Variants in NCKAP1 observed in about 807,000 individuals in gnomAD.
NCKAP1 encodes nck-associated protein 1.
In NCKAP1, 21 loss-of-function variants were observed where a neutral mutation model predicts 151.2. That is an observed-to-expected ratio of 0.14 (90% confidence interval 0.10 to 0.20). The LOEUF (loss-of-function observed/expected upper bound fraction) is 0.20. NCKAP1 is among the 10% of genes least tolerant of loss of function. The probability of loss-of-function intolerance (pLI) is 1.00; values close to 1 mark genes in which losing one functional copy is unlikely to be tolerated. For missense variants in NCKAP1, 933 were observed against 1,352.1 expected (o/e 0.69, Z 4.86); for synonymous variants, 484 against 451.8 (o/e 1.07, Z -0.90).
rs558269767 is a variant in NCKAP1, at chr2:182,944,746, A to C, written c.2602-2583T>G. ...TCACCTTTAAGATAAAAAGAAAAAG[A>C]TTGAATCAAATGATACTTAGTTTAT... On this transcript the variant is annotated intron_variant, in intron 23 of 30. Transcript: ENST00000361354. Among the ~76,000 whole-genome samples, 4 of 152,332 alleles carry C rather than the reference A, an allele frequency of 2.6e-5. No homozygotes were observed. In the East Asian group the frequency reaches 5.8e-4, roughly 22 times the overall value.
At chr2:182,937,480 G>A (rs973562550) in intron 24 of NCKAP1, among the ~76,000 whole-genome samples, 1 of 152,154 alleles carries the variant, frequency 6.6e-6, no homozygotes, top group African/African-American at 2.4e-5. Context: ...GGGACAGAGA[G>A]GGAGGTAATG....
intron 2 of NCKAP1, among the ~76,000 whole-genome samples, chr2:183,020,462 C>A (rs1230965293): frequency 7.9e-6 from 1 of 127,274 alleles, no homozygotes; most frequent in African/African-American, 3.4e-5. Context: ...AGGACCGTGT[C>A]CCAAAAAAAA....
intron 24 of NCKAP1, among the ~76,000 whole-genome samples, chr2:182,940,869 T>C (rs1696981955): frequency 6.6e-6 from 1 of 152,248 alleles, no homozygotes; most frequent in African/African-American, 2.4e-5. Context: ...TCTCCCTCAT[T>C]GCTTTCCCTT....
At chr2:182,997,368 C>A (rs926547439) in intron 6 of NCKAP1, among the ~76,000 whole-genome samples, 1 of 152,128 alleles carries the variant, frequency 6.6e-6, no homozygotes, top group Admixed American at 6.5e-5. Flanking sequence ...CTATTTTTAT[C>A]ATCGTTTTAG....
Position 182,913,248 on chromosome 2 carries a change from T to C in NCKAP1, c.*12454A>G, listed in dbSNP as rs1696422454. The C allele has an allele frequency of 6.6e-6, 1 of 152,212 alleles. No individual in the cohort carries two copies. Among genetic ancestry groups the C allele is most frequent in the Non-Finnish European group, 1.5e-5 (1 of 68,038 alleles). The allele number at this position is 152,212 out of a possible 1,614,324, so 9.4% of individuals were successfully genotyped here. ...TATTTATTGATTCAACAAATATTTA[T>C]TGAGGACTGTTGTGGCTTGAATGTG... On this transcript the variant is annotated 3_prime_UTR_variant, in exon 31 of 31. Coordinates refer to ENST00000361354, the MANE Select transcript of NCKAP1 (RefSeq NM_013436.5).
chr2:183,031,665 T>TA (rs1428157200), intron 1 of NCKAP1, among the ~76,000 whole-genome samples: 2 of 152,220 alleles, frequency 1.3e-5, no homozygotes, highest in East Asian at 3.8e-4. Flanking sequence ...CCTCAGCTCT[T>TA]ACGCTTGCTA....
Position 183,001,957 on chromosome 2 carries a change from C to A in NCKAP1, c.599G>T (p.Ser200Ile), listed in dbSNP as rs377461733. 6.2e-7 allele frequency: 1 copy of A among 1,612,382 alleles called. No individual in the cohort carries two copies. The highest frequency in any genetic ancestry group is 8.5e-7 in the Non-Finnish European group (1 of 1,178,654). The change falls in exon 6 of 31, where the codon AGC (serine) becomes ATC (isoleucine). Residue 200 changes from serine (S) to isoleucine (I), a missense_variant. Ser to Ile is a moderately radical substitution (Grantham distance 142). Coordinates refer to ENST00000361354, the MANE Select transcript of NCKAP1 (RefSeq NM_013436.5). ...TGCCTAACAACTGCCTCTTACCTTG[C>A]TATGGGGTACAAATTCTTCCATCAT... ...KKMMEEFVPHSKSLSDALISL... is the reference protein window; with the variant it reads ...KKMMEEFVPHIKSLSDALISL...
intron 27 of NCKAP1, 35 bp downstream of exon 27, chr2:182,930,660 A>C: frequency 6.5e-7 from 1 of 1,538,818 alleles, no homozygotes; most frequent in Non-Finnish European, 9.0e-7. Context: ...GGTAACTTTA[A>C]CTAAGAGTAT....
At chr2:183,001,596 G>C (rs961023695) in intron 6 of NCKAP1, among the ~76,000 whole-genome samples, 4 of 152,010 alleles carry the variant, frequency 2.6e-5, no homozygotes, top group African/African-American at 9.7e-5. Flanking sequence ...CTGAGGTATC[G>C]TGAGGTTAGT....
At chr2:183,026,797 G>A (rs1253110286) in intron 1 of NCKAP1, among the ~76,000 whole-genome samples, 4 of 152,224 alleles carry the variant, frequency 2.6e-5, no homozygotes, top group African/African-American at 9.6e-5. Context: ...GAGAGATAAA[G>A]AAACCATGTA....
chr2:182,916,345 G>A lies in NCKAP1; in HGVS notation c.*9357C>T, dbSNP rs1696469037. 1 of 152,076 alleles carries A rather than the reference G, an allele frequency of 6.6e-6. No homozygotes were observed. The highest frequency in any genetic ancestry group is 2.1e-4 in the South Asian group (1 of 4,820). 9.4% of individuals were successfully genotyped at this position (152,076 alleles called of 1,614,324 possible). On this transcript the variant is annotated 3_prime_UTR_variant, in exon 31 of 31. Coordinates refer to ENST00000361354, the MANE Select transcript of NCKAP1 (RefSeq NM_013436.5). ...GCATCTGTACCAATGGAGGTCTGTA[G>A]CATCTGTCCAGCCACTGGCCTTTCC...
At chr2:182,943,245 C>T (rs1309123714) in intron 23 of NCKAP1, among the ~76,000 whole-genome samples, 3 of 152,004 alleles carry the variant, frequency 2.0e-5, no homozygotes, top group Non-Finnish European at 4.4e-5. Context: ...ATATAAAGTG[C>T]CATGGTGTTT....
chr2:183,020,464 C>CAAAAAAAAAAA (rs1179083096), intron 2 of NCKAP1, among the ~76,000 whole-genome samples: 2 of 71,556 alleles, frequency 2.8e-5, no homozygotes, highest in African/African-American at 5.2e-5. Context: ...GACCGTGTCC[C>CAAAAAAAAAAA]AAAAAAAAAA....
intron 8 of NCKAP1, 142 bp downstream of exon 8, chr2:182,994,697 T>C: frequency 1.5e-6 from 1 of 660,294 alleles, no homozygotes; most frequent in East Asian, 2.8e-5. Context: ...TCTGATAGGA[T>C]CAATATGAGG....
intron 1 of NCKAP1, among the ~76,000 whole-genome samples, chr2:183,036,668 T>TA (rs1699107843): frequency 6.6e-6 from 1 of 152,162 alleles, no homozygotes; most frequent in Non-Finnish European, 1.5e-5. Flanking sequence ...TTTAGAGTAA[T>TA]AAAGCCTTGC....
In NCKAP1 at chr2:182,986,158, T is replaced by C; in HGVS notation, c.1004+13A>G. The C allele has an allele frequency of 6.2e-7, 1 of 1,611,940 alleles. No homozygotes were observed. Among genetic ancestry groups the C allele is most frequent in the Non-Finnish European group, 8.5e-7 (1 of 1,178,286 alleles). On this transcript the variant is annotated intron_variant, in intron 10 of 30. Transcript: ENST00000361354. The stretch of plus-strand genomic sequence containing the variant: ...TTGATTAAAGCTACCACGGATAAAA[T>C]AAAACTACTCACGCATGTGACACGG...
At chr2:182,928,652 G>A in intron 28 of NCKAP1, 131 bp downstream of exon 28, 1 of 594,376 alleles carries the variant, frequency 1.7e-6, no homozygotes, top group Non-Finnish European at 2.9e-6. Context: ...GGAAACTGCA[G>A]TTTAGGAAAA....
intron 24 of NCKAP1, among the ~76,000 whole-genome samples, chr2:182,938,419 T>G (rs1021977992): frequency 1.3e-5 from 2 of 151,826 alleles, no homozygotes; most frequent in Non-Finnish European, 1.5e-5. Flanking sequence ...ATAAAAGAGA[T>G]AAACACGACA....
chr2:183,008,118 G>A (rs1041642546), intron 2 of NCKAP1, among the ~76,000 whole-genome samples: 1 of 152,028 alleles, frequency 6.6e-6, no homozygotes, highest in African/African-American at 2.4e-5. Flanking sequence ...TAGAGATGGG[G>A]TTTCTCCATG....
Sources: allele counts gnomAD v4.1 joint callset (sites outside exome capture counted in the v4.1 genomes callset), GRCh38; gene constraint gnomAD v4.1.1; transcripts MANE v1.5; gene names NCBI Gene and HGNC (gene_info 2026-07-23, HGNC 2026-07-21).